LRP1B: variants seen among roughly 807,000 people sequenced by gnomAD.
The protein encoded by LRP1B is low-density lipoprotein receptor-related protein 1B.
In LRP1B, 217 loss-of-function variants were observed where a neutral mutation model predicts 556.6. That is an observed-to-expected ratio of 0.39 (90% confidence interval 0.35 to 0.44). The LOEUF (loss-of-function observed/expected upper bound fraction) is 0.44, where lower values mean the gene tolerates loss of function less well. Among genes scored for constraint, LRP1B ranks in the 20% least tolerant of loss-of-function variants. The pLI, the probability that LRP1B is intolerant of heterozygous loss-of-function variation, is 1.00. For synonymous variants in LRP1B, 2,047 were observed against 1,865.8 expected (o/e 1.10, Z -2.50); for missense variants, 5,053 against 5,620.8 (o/e 0.90, Z 3.23).
intron 1 of LRP1B, among the ~76,000 whole-genome samples, chr2:141,943,886 A>G (rs893635580): frequency 6.6e-6 from 1 of 152,084 alleles, no homozygotes; most frequent in African/African-American, 2.4e-5. Context: ...GGGGGATGGA[A>G]TTATTGGGCA....
intron 1 of LRP1B, among the ~76,000 whole-genome samples, chr2:141,957,577 G>C (rs1010048190): frequency 6.6e-6 from 1 of 151,896 alleles, no homozygotes; most frequent in Non-Finnish European, 1.5e-5. Flanking sequence ...TCACTTGACA[G>C]ACACATTTTG....
chr2:141,583,115 C>T (rs1574104664), intron 2 of LRP1B, among the ~76,000 whole-genome samples: 1 of 152,014 alleles, frequency 6.6e-6, no homozygotes, highest in East Asian at 1.9e-4. Context: ...GGATTACAGG[C>T]GTGAGCCACC....
intron 41 of LRP1B, among the ~76,000 whole-genome samples, chr2:140,635,861 G>C (rs1333014573): frequency 6.6e-6 from 1 of 152,064 alleles, no homozygotes; most frequent in East Asian, 1.9e-4. Flanking sequence ...TCCTGAAGTT[G>C]AGTGAAATAA....
chr2:141,257,096 T>C (rs556840292), intron 3 of LRP1B, among the ~76,000 whole-genome samples: 27 of 152,018 alleles, frequency 1.8e-4, no homozygotes, highest in Admixed American at 3.3e-4. Context: ...GAAATCAATG[T>C]TAAATTCATT....
At chr2:141,031,654 C>A (rs1269540603) in intron 11 of LRP1B, among the ~76,000 whole-genome samples, 1 of 151,712 alleles carries the variant, frequency 6.6e-6, no homozygotes, top group Non-Finnish European at 1.5e-5. Context: ...GTTTATGGAT[C>A]CAGAAGAGAC....
intron 3 of LRP1B, among the ~76,000 whole-genome samples, chr2:141,273,941 TC>T (rs1275092827): frequency 3.3e-5 from 5 of 152,218 alleles, no homozygotes; most frequent in African/African-American, 7.2e-5. Context: ...TACACAAATG[TC>T]CAATAAACAC....
At chr2:140,458,806 A>G (rs1687204969) in intron 60 of LRP1B, among the ~76,000 whole-genome samples, 1 of 151,954 alleles carries the variant, frequency 6.6e-6, no homozygotes, top group Admixed American at 6.6e-5. Flanking sequence ...ATTATCAACT[A>G]AAGTAAATAT....
Position 140,541,867 on chromosome 2 carries a change from C to T in LRP1B, c.7299G>A (p.Lys2433=), listed in dbSNP as rs1343074903. 3.1e-6 allele frequency: 5 copies of T among 1,612,916 alleles called. No homozygotes were observed. Among genetic ancestry groups the T allele is most frequent in the South Asian group, 1.1e-5 (1 of 91,038 alleles). The change falls in exon 44 of 91, where the codon AAG becomes AAA. Residue 2433 remains lysine, a synonymous_variant. Transcript: ENST00000389484. Reference sequence around the variant, plus strand: ...GAATTTTTGTATCTCCTCCTGTGTACTTGTTGGACCGCAGTATAGCTCTTC... The same window carrying T: ...GAATTTTTGTATCTCCTCCTGTGTATTTGTTGGACCGCAGTATAGCTCTTC... The part of the protein sequence containing the change: ...WGRRAILRSN[K]YTGGDTKILR...
chr2:140,376,026 GT>G (rs1471416111), intron 68 of LRP1B, among the ~76,000 whole-genome samples: 3 of 147,450 alleles, frequency 2.0e-5, no homozygotes, highest in Non-Finnish European at 3.0e-5. Flanking sequence ...GTTTTTTTTT[GT>G]TCTAGACTGT....
intron 2 of LRP1B, among the ~76,000 whole-genome samples, chr2:141,482,398 T>A (rs1157457151): frequency 6.6e-6 from 1 of 152,218 alleles, no homozygotes; most frequent in East Asian, 1.9e-4. Context: ...ACAAGGCTAT[T>A]AAATGTCAAA....
intron 20 of LRP1B, among the ~76,000 whole-genome samples, chr2:140,925,086 G>A (rs1694849121): frequency 2.0e-5 from 3 of 152,022 alleles, no homozygotes; most frequent in Non-Finnish European, 4.4e-5. Context: ...ATACAGAGAT[G>A]ATTTAAAGTA....
In LRP1B at chr2:141,557,359, T is replaced by A. The variant is rs751385411; in HGVS notation, c.206-76826A>T. ...TGCAAGAAAGAAAATAAACCACCAT[T>A]TCAGTGTGGCATGGATTACCATAGT... On this transcript the variant is annotated intron_variant, in intron 2 of 90. Transcript: ENST00000389484. Among the ~76,000 whole-genome samples, 102 of 151,850 alleles carry A rather than the reference T, an allele frequency of 6.7e-4. 1 individual carries two copies. The highest frequency in any genetic ancestry group is 2.1e-4 in the Non-Finnish European group (14 of 67,890).
chr2:141,130,245 T>C (rs13426911), intron 7 of LRP1B, among the ~76,000 whole-genome samples: 27,225 of 151,956 alleles, frequency 0.18, 2,577 homozygotes, highest in Middle Eastern at 0.34. Context: ...AGCTAATTCA[T>C]TTAACACACA....
intron 84 of LRP1B, among the ~76,000 whole-genome samples, chr2:140,289,291 T>C (rs1442008732): frequency 6.6e-6 from 1 of 152,002 alleles, no homozygotes; most frequent in Non-Finnish European, 1.5e-5. Flanking sequence ...GACTATACAA[T>C]TCGAAGTCCG....
intron 6 of LRP1B, among the ~76,000 whole-genome samples, chr2:141,196,498 T>C (rs535629244): frequency 6.6e-6 from 1 of 152,264 alleles, no homozygotes; most frequent in East Asian, 1.9e-4. Flanking sequence ...ATTCAGTCTT[T>C]ATATAATTAT....
At chr2:140,960,647 G>C (rs1172122551) in intron 18 of LRP1B, among the ~76,000 whole-genome samples, 8 of 151,882 alleles carry the variant, frequency 5.3e-5, no homozygotes. Flanking sequence ...ACTAAACCTA[G>C]TCATGCCTGA....
intron 31 of LRP1B, among the ~76,000 whole-genome samples, chr2:140,825,728 G>A (rs1430273659): frequency 2.0e-5 from 3 of 151,838 alleles, no homozygotes; most frequent in Admixed American, 6.6e-5. Flanking sequence ...AACAGAGCTC[G>A]TATTTAGATT....
At chr2:140,735,096 G>T (rs945008700) in intron 35 of LRP1B, among the ~76,000 whole-genome samples, 1 of 152,138 alleles carries the variant, frequency 6.6e-6, no homozygotes, top group Non-Finnish European at 1.5e-5. Flanking sequence ...TTTAGGTTTG[G>T]CTTCCTTATC....
chr2:140,864,642 G>A (rs1021181110), intron 27 of LRP1B, among the ~76,000 whole-genome samples: 3 of 152,008 alleles, frequency 2.0e-5, no homozygotes, highest in African/African-American at 7.2e-5. Flanking sequence ...TATTGTAAAT[G>A]AGTGTTATTG....
Sources: allele counts gnomAD v4.1 joint callset (sites outside exome capture counted in the v4.1 genomes callset), GRCh38; gene constraint gnomAD v4.1.1; transcripts MANE v1.5; gene names NCBI Gene and HGNC (gene_info 2026-07-23, HGNC 2026-07-21).